Variants in SIL1 observed in about 807,000 individuals in gnomAD.
SIL1 encodes SIL1 nucleotide exchange factor, also known as nucleotide exchange factor SIL1.
Under a neutral mutation model 49.1 loss-of-function variants are expected in SIL1, and 40 were observed. That is an observed-to-expected ratio of 0.81 (90% CI 0.63 to 1.06). The LOEUF (loss-of-function observed/expected upper bound fraction) is 1.06, where lower values mean the gene tolerates loss of function less well. Ranked by LOEUF, SIL1 falls within the 50% of genes least tolerant of loss-of-function variation. SIL1 has a pLI of 0.00. For synonymous variants in SIL1, 253 were observed against 250.8 expected (o/e 1.01, Z -0.08); for missense variants, 500 against 572.6 (o/e 0.87, Z 1.29).
rs77703159 is a variant in SIL1 at position 139,062,444 on chromosome 5, A to T, written c.245-11398T>A. 9.8e-4 allele frequency among the ~76,000 whole-genome samples: 149 copies of T among 152,264 alleles called. 2 individuals are homozygous for T. The highest frequency in any genetic ancestry group is 3.5e-3 in the African/African-American group (147 of 41,550). ...AGCATGGCTTCCAGGCAAGGGTAGA[A>T]ATCCCCAAGCTGCATGAAAGCCGCT... On this transcript the variant is annotated intron_variant, in intron 3 of 9. Coordinates refer to ENST00000394817, the MANE Select transcript of SIL1 (RefSeq NM_022464.5).
chr5:139,136,919 TGATGGGCATCA>T (rs1460488015), intron 1 of SIL1, among the ~76,000 whole-genome samples: 1 of 152,174 alleles, frequency 6.6e-6, no homozygotes, highest in Non-Finnish European at 1.5e-5. Context: ...CTCAGGACAA[TGATGGGCATCA>T]GTCACTCCAG....
intron 1 of SIL1, among the ~76,000 whole-genome samples, chr5:139,129,659 G>A (rs533365006): frequency 3.3e-5 from 5 of 152,316 alleles, no homozygotes; most frequent in South Asian, 2.1e-4. Context: ...GCAACAGAGC[G>A]AGACTCCGTC....
intron 3 of SIL1, among the ~76,000 whole-genome samples, chr5:139,105,199 G>A (rs1166842917): frequency 2.0e-5 from 3 of 152,152 alleles, no homozygotes; most frequent in African/African-American, 7.2e-5. Context: ...AGAGAAGGTG[G>A]GGAAGAGGGG....
At chr5:139,109,725 T>G (rs942277634) in intron 3 of SIL1, among the ~76,000 whole-genome samples, 13 of 149,780 alleles carry the variant, frequency 8.7e-5, no homozygotes, top group African/African-American at 3.2e-4. Flanking sequence ...GCAGTTTTCT[T>G]CCTTTCCCCA....
At chr5:139,052,774 C>T (rs1769319056) in intron 3 of SIL1, among the ~76,000 whole-genome samples, 1 of 152,030 alleles carries the variant, frequency 6.6e-6, no homozygotes, top group Admixed American at 6.6e-5. Context: ...AAAGCGAGTC[C>T]CAGACTAGGA....
chr5:139,040,700 T>C (rs370427262), intron 5 of SIL1, among the ~76,000 whole-genome samples: 1 of 151,898 alleles, frequency 6.6e-6, no homozygotes, highest in East Asian at 1.9e-4. Flanking sequence ...GGTTTCACCA[T>C]GTTGGCCAGG....
chr5:138,979,105 C>T (rs889415809), intron 7 of SIL1, among the ~76,000 whole-genome samples: 3 of 151,438 alleles, frequency 2.0e-5, no homozygotes, highest in African/African-American at 4.9e-5. Context: ...CTCGCTCTGT[C>T]GCCAGGCTGG....
intron 7 of SIL1, among the ~76,000 whole-genome samples, chr5:139,013,347 A>T (rs1435188775): frequency 6.6e-6 from 1 of 152,202 alleles, no homozygotes; most frequent in Non-Finnish European, 1.5e-5. Flanking sequence ...ACTCAAAGCC[A>T]ATTTGCCTTA....
intron 3 of SIL1, among the ~76,000 whole-genome samples, chr5:139,114,360 G>T (rs1270913428): frequency 6.6e-6 from 1 of 152,224 alleles, no homozygotes; most frequent in South Asian, 2.1e-4. Flanking sequence ...TCTCTGCAAT[G>T]AAGAGATCTA....
In SIL1 at chr5:138,967,966, G is replaced by A. The variant is rs535196278; in HGVS notation, c.768-16082C>T. Among the ~76,000 whole-genome samples the A allele has an allele frequency of 6.6e-5, 10 of 152,250 alleles. No individual in the cohort carries two copies. The South Asian group carries it at 2.1e-3, about 32-fold the overall frequency. ...CACGCAGACAGGGCAAGAGCAAGACGACTAAGGGAGAAGGCCTGTGGGGTG... is the reference window on the plus strand; with the variant it reads ...CACGCAGACAGGGCAAGAGCAAGACAACTAAGGGAGAAGGCCTGTGGGGTG... On this transcript the variant is annotated intron_variant, in intron 7 of 9. Coordinates refer to ENST00000394817, the MANE Select transcript of SIL1 (RefSeq NM_022464.5).
In SIL1 at chr5:139,197,279, A is replaced by C. The variant is rs1015640526; in HGVS notation, c.-11+990T>G. On this transcript the variant is annotated intron_variant, in intron 1 of 9. Transcript: ENST00000394817. ...GCGAAACTCCGCCTCAAAAAAAAAAAAAAAAAAAAAAAACTGTTTATAAAC... is the reference window on the plus strand; with the variant it reads ...GCGAAACTCCGCCTCAAAAAAAAAACAAAAAAAAAAAAACTGTTTATAAAC... Among the ~76,000 whole-genome samples, 49 of 151,678 alleles carry C rather than the reference A, an allele frequency of 3.2e-4. 1 individual carries two copies. Among genetic ancestry groups the C allele is most frequent in the Admixed American group, 6.6e-4 (10 of 15,242 alleles).
chr5:139,024,833 C>T (rs1421893828), intron 6 of SIL1, among the ~76,000 whole-genome samples: 1 of 152,232 alleles, frequency 6.6e-6, no homozygotes, highest in Non-Finnish European at 1.5e-5. Flanking sequence ...CCATGGCCTA[C>T]AGGCCCTCTA....
At chr5:139,153,907 A>G (rs917843300) in intron 1 of SIL1, among the ~76,000 whole-genome samples, 4 of 152,148 alleles carry the variant, frequency 2.6e-5, no homozygotes, top group Non-Finnish European at 4.4e-5. Context: ...ATTCTTACAG[A>G]CAGAAATCCT....
At chr5:139,128,018 C>G (rs1277782756) in intron 1 of SIL1, 165 bp from the exon 2 acceptor site, 3 of 650,200 alleles carry the variant, frequency 4.6e-6, no homozygotes, top group Admixed American at 2.1e-5. Context: ...CTCCATCTAC[C>G]ATGGTGGGTC....
Position 139,098,558 on chromosome 5 carries a change from A to G in SIL1, c.244+22477T>C, listed in dbSNP as rs115963484. Among the ~76,000 whole-genome samples the G allele has an allele frequency of 8.6e-4, 131 of 152,300 alleles. 1 individual carries two copies. Among genetic ancestry groups the G allele is most frequent in the African/African-American group, 3.0e-3 (125 of 41,574 alleles). Reference sequence around the variant, plus strand: ...GCAAAGATTTCTTGAGCAGTACCACACAAGCACAAATAACCAAAGCAAAAA... The same window carrying G: ...GCAAAGATTTCTTGAGCAGTACCACGCAAGCACAAATAACCAAAGCAAAAA... On this transcript the variant is annotated intron_variant, in intron 3 of 9. Coordinates refer to ENST00000394817, the MANE Select transcript of SIL1 (RefSeq NM_022464.5).
At chr5:139,149,842 A>G (rs1751262790) in intron 1 of SIL1, among the ~76,000 whole-genome samples, 2 of 152,230 alleles carry the variant, frequency 1.3e-5, no homozygotes, top group African/African-American at 4.8e-5. Context: ...GCTTATGGAG[A>G]GTAGCATGAT....
chr5:139,060,763 C>A (rs577245212), intron 3 of SIL1, among the ~76,000 whole-genome samples: 2 of 152,234 alleles, frequency 1.3e-5, no homozygotes, highest in Non-Finnish European at 2.9e-5. Context: ...TTCAATGTGA[C>A]AGTAAATATT....
At chr5:138,958,069 T>C (rs1766940262) in intron 7 of SIL1, among the ~76,000 whole-genome samples, 1 of 152,218 alleles carries the variant, frequency 6.6e-6, no homozygotes. Context: ...CTCTCAATAA[T>C]ATTGTTTTTA....
chr5:139,019,700 G>A (rs540526218), intron 7 of SIL1, among the ~76,000 whole-genome samples: 1 of 152,228 alleles, frequency 6.6e-6, no homozygotes, highest in South Asian at 2.1e-4. Context: ...CTTTAACTAG[G>A]ATGTGACATG....
Sources: allele counts gnomAD v4.1 joint callset (sites outside exome capture counted in the v4.1 genomes callset), GRCh38; gene constraint gnomAD v4.1.1; transcripts MANE v1.5; gene names NCBI Gene and HGNC (gene_info 2026-07-23, HGNC 2026-07-21).